Variants in PIGK observed in about 807,000 individuals in gnomAD.
The protein encoded by PIGK is GPI-anchor transamidase.
Under a neutral mutation model 50.6 loss-of-function variants are expected in PIGK, and 42 were observed. That is an observed-to-expected ratio of 0.83 (90% CI 0.65 to 1.07). The LOEUF is 1.07. Among genes scored for constraint, PIGK ranks in the 50% least tolerant of loss-of-function variants. The pLI is 0.00. For synonymous variants in PIGK, 151 were observed against 156.0 expected, an observed-to-expected ratio of 0.97 and a Z score of 0.24; for missense variants, 448 against 488.7, an observed-to-expected ratio of 0.92 and a Z score of 0.78.
chr1:77,181,259 C>T (rs533375660), intron 3 of PIGK, among the ~76,000 whole-genome samples: 1 of 152,162 alleles, frequency 6.6e-6, no homozygotes, highest in African/African-American at 2.4e-5. Context: ...TACCTGCCTC[C>T]CTGAAATTCC....
At chr1:77,186,366 G>A (rs946431167) in intron 3 of PIGK, among the ~76,000 whole-genome samples, 4 of 152,230 alleles carry the variant, frequency 2.6e-5, no homozygotes, top group African/African-American at 4.8e-5. Flanking sequence ...GCAGAACTTC[G>A]AGCAGTGCAC....
At chr1:77,144,291 A>G (rs1654718206) in intron 9 of PIGK, among the ~76,000 whole-genome samples, 1 of 151,968 alleles carries the variant, frequency 6.6e-6, no homozygotes, top group Non-Finnish European at 1.5e-5. Context: ...AAAAAGACAT[A>G]AATCAAAGAA....
rs528020103 is a variant in PIGK, at chr1:77,155,787, A to G, written c.814-1166T>C. Among the ~76,000 whole-genome samples the G allele has an allele frequency of 2.0e-5, 3 of 152,296 alleles. No homozygotes were observed. In the East Asian group the frequency reaches 5.8e-4, roughly 29 times the overall value. ...GCACAGCACCTATCCACCTGTAGAG[A>G]TAAGACTGTCTGCACTGGCAATCAC... is the stretch of plus-strand genomic sequence containing the variant. On this transcript the variant is annotated intron_variant, in intron 8 of 10. Coordinates refer to ENST00000370812, the MANE Select transcript of PIGK (RefSeq NM_005482.3).
At chr1:77,134,830 A>G (rs1352056554) in intron 9 of PIGK, among the ~76,000 whole-genome samples, 1 of 152,204 alleles carries the variant, frequency 6.6e-6, no homozygotes, top group East Asian at 1.9e-4. Context: ...TATTTTCATT[A>G]TCACTTAGTC....
chr1:77,171,464 G>C (rs375662266), intron 3 of PIGK, among the ~76,000 whole-genome samples: 1 of 67,404 alleles, frequency 1.5e-5, no homozygotes, highest in African/African-American at 4.8e-5. Context: ...AAAAAAAAAA[G>C]AATATTTCTT....
At chr1:77,204,037 G>C (rs839816) in intron 3 of PIGK, among the ~76,000 whole-genome samples, 151,497 of 152,316 alleles carry the variant, frequency 0.99, 75,344 homozygotes, top group Middle Eastern at 1. Context: ...TTTCAGGGAA[G>C]AAGGGAGATA....
At chr1:77,141,168 C>T (rs1004302714) in intron 9 of PIGK, among the ~76,000 whole-genome samples, 6 of 150,454 alleles carry the variant, frequency 4.0e-5, no homozygotes, top group Non-Finnish European at 8.8e-5. Context: ...CTCTGAATCT[C>T]TGGCTGGCAA....
At chr1:77,100,420 A>G (rs1348046502) in intron 10 of PIGK, among the ~76,000 whole-genome samples, 3 of 152,212 alleles carry the variant, frequency 2.0e-5, no homozygotes, top group Admixed American at 6.5e-5. Context: ...TTAATAGTGT[A>G]AGTCAAACTG....
chr1:77,134,573 A>G (rs150670294), intron 9 of PIGK, among the ~76,000 whole-genome samples: 16 of 152,330 alleles, frequency 1.1e-4, no homozygotes, highest in African/African-American at 3.8e-4. Context: ...CAGATTCTCA[A>G]CCTTTGGTCT....
At chr1:77,126,916 G>T (rs1299396391) in intron 9 of PIGK, among the ~76,000 whole-genome samples, 1 of 152,006 alleles carries the variant, frequency 6.6e-6, no homozygotes, top group Non-Finnish European at 1.5e-5. Context: ...CTTTTTCCAT[G>T]ATCTCTTTCC....
chr1:77,115,014 G>A (rs1354457178), intron 10 of PIGK, among the ~76,000 whole-genome samples: 1 of 152,104 alleles, frequency 6.6e-6, no homozygotes, highest in African/African-American at 2.4e-5. Flanking sequence ...TTTAAAACAA[G>A]GTGGCAGAGA....
At chr1:77,181,164 C>A (rs1342697060) in intron 3 of PIGK, among the ~76,000 whole-genome samples, 1 of 151,958 alleles carries the variant, frequency 6.6e-6, no homozygotes, top group African/African-American at 2.4e-5. Flanking sequence ...GGAAAAATAG[C>A]CTAAAATAAT....
chr1:77,206,485 T>C (rs374662153), intron 3 of PIGK, among the ~76,000 whole-genome samples, 155 bp downstream of exon 3: 12 of 152,320 alleles, frequency 7.9e-5, no homozygotes, highest in East Asian at 7.7e-4. Context: ...ATCTAATTTA[T>C]ACATGGTAGT....
intron 8 of PIGK, among the ~76,000 whole-genome samples, chr1:77,158,070 G>A (rs1047349211): frequency 6.6e-6 from 1 of 152,198 alleles, no homozygotes; most frequent in Non-Finnish European, 1.5e-5. Context: ...AGGCTGGAGT[G>A]CAGTGGCGCA....
chr1:77,139,756 T>G (rs1481583970), intron 9 of PIGK, among the ~76,000 whole-genome samples: 1 of 152,226 alleles, frequency 6.6e-6, no homozygotes, highest in African/African-American at 2.4e-5. Flanking sequence ...TTTAAAAAGA[T>G]CTTTTTAAAA....
intron 3 of PIGK, among the ~76,000 whole-genome samples, chr1:77,176,815 C>A (rs968879867): frequency 9.9e-5 from 15 of 152,052 alleles, no homozygotes; most frequent in African/African-American, 3.6e-4. Flanking sequence ...CTTGGAGAAC[C>A]AGAACAGCCA....
At chr1:77,100,506 G>C in intron 10 of PIGK, among the ~76,000 whole-genome samples, 1 of 152,092 alleles carries the variant, frequency 6.6e-6, no homozygotes, top group South Asian at 2.1e-4. Context: ...CCTATCCCTT[G>C]AGTCTGGACA....
chr1:77,126,501 T>TA (rs899847749), intron 9 of PIGK, among the ~76,000 whole-genome samples: 27 of 149,842 alleles, frequency 1.8e-4, no homozygotes, highest in African/African-American at 4.7e-4. Flanking sequence ...AGATTTGTCT[T>TA]AAAAAAAAAA....
chr1:77,193,273 G>GTGTGTGTGTGTGTGTGTGTGTA, intron 3 of PIGK, among the ~76,000 whole-genome samples: 1 of 151,914 alleles, frequency 6.6e-6, no homozygotes, highest in African/African-American at 2.4e-5. Context: ...GTGTGTGTGT[G>GTGTGTGTGTGTGTGTGTGTGTA]TGTGTGTGTG....
Sources: gnomAD v4.1 joint callset for allele counts (sites outside exome capture counted in the v4.1 genomes callset) on GRCh38, gnomAD v4.1.1 for gene constraint, MANE v1.5 for transcripts, NCBI Gene and HGNC (gene_info 2026-07-23, HGNC 2026-07-21) for gene names.